Variants in SNTG1 observed in about 807,000 individuals in gnomAD.
SNTG1 encodes the protein syntrophin gamma 1.
Under a neutral mutation model 74.7 loss-of-function variants are expected in SNTG1, and 39 were observed. The observed-to-expected ratio is 0.52, with a 90% CI of 0.40 to 0.68. SNTG1 has a LOEUF of 0.68. Among genes scored for constraint, SNTG1 ranks in the 30% least tolerant of loss-of-function variants. SNTG1 has a pLI of 0.00. For synonymous variants in SNTG1, 254 were observed against 217.1 expected, an observed-to-expected ratio of 1.17 and a Z score of -1.49; for missense variants, 685 against 609.5, an observed-to-expected ratio of 1.12 and a Z score of -1.30.
intron 2 of SNTG1, among the ~76,000 whole-genome samples, chr8:50,208,046 G>T (rs1005495362): frequency 1.3e-5 from 2 of 152,120 alleles, no homozygotes; most frequent in East Asian, 1.9e-4. Flanking sequence ...TATTCTATTG[G>T]TTTGGGGTGG....
At chr8:50,444,286 T>A (rs2093385239) in intron 5 of SNTG1, among the ~76,000 whole-genome samples, 1 of 152,206 alleles carries the variant, frequency 6.6e-6, no homozygotes, top group Non-Finnish European at 1.5e-5. Flanking sequence ...TGTATGCCTT[T>A]TAACTTATTA....
intron 18 of SNTG1, among the ~76,000 whole-genome samples, chr8:50,787,162 T>C (rs2095678017): frequency 6.6e-6 from 1 of 151,472 alleles, no homozygotes; most frequent in African/African-American, 2.4e-5. Flanking sequence ...ATACCCCAAA[T>C]AAAAATTGAC....
chr8:50,341,523 G>C lies in SNTG1; in HGVS notation c.-27-52689G>C, dbSNP rs184554220. On this transcript the variant is annotated intron_variant, in intron 2 of 18. Coordinates refer to ENST00000642720, the MANE Select transcript of SNTG1 (RefSeq NM_018967.5). ...GCTACTCCTTTGAATACCTAATGAT[G>C]ATAGATGAAGGAAATGAAATTAGGG... Among the ~76,000 whole-genome samples the C allele has an allele frequency of 3.1e-3, 473 of 151,992 alleles. 2 individuals carry two copies. Among genetic ancestry groups the C allele is most frequent in the African/African-American group, 0.011 (451 of 41,518 alleles).
Position 50,272,337 on chromosome 8 carries a change from AG to A in SNTG1, c.-28+99703del, listed in dbSNP as rs759460271. Among the ~76,000 whole-genome samples, 29 of 152,316 alleles carry A rather than the reference AG, an allele frequency of 1.9e-4. 1 individual carries two copies. The South Asian group carries it at 2.1e-3, about 11-fold the overall frequency. On this transcript the variant is annotated intron_variant, in intron 2 of 18. Transcript: ENST00000642720. ...GACAGTTCAAGTGTCAAAGTGAAGC[AG>A]CAGCTTTTTTGTAGCTCACATATAC...
In SNTG1 at chr8:50,502,380, C is replaced by T. The variant is rs1212132248; in HGVS notation, c.364-398C>T. Among the ~76,000 whole-genome samples the T allele has an allele frequency of 2.6e-5, 4 of 152,072 alleles. No homozygotes were observed. The East Asian group carries it at 7.7e-4, about 29-fold the overall frequency. ...ATTTTATGTTACATAACATATGCTC[C>T]AAAGCTTATCCAATTTATTGGTGCA... On this transcript the variant is annotated intron_variant, in intron 8 of 18. Coordinates refer to ENST00000642720, the MANE Select transcript of SNTG1 (RefSeq NM_018967.5).
intron 17 of SNTG1, among the ~76,000 whole-genome samples, chr8:50,744,563 A>G (rs1252164616): frequency 6.6e-6 from 1 of 152,010 alleles, no homozygotes; most frequent in Non-Finnish European, 1.5e-5. Flanking sequence ...TCTTATAACT[A>G]ACATAAAATT....
intron 1 of SNTG1, among the ~76,000 whole-genome samples, chr8:50,002,837 G>A (rs1185835959): frequency 6.6e-6 from 1 of 152,016 alleles, no homozygotes; most frequent in Admixed American, 6.6e-5. Flanking sequence ...CCAAAAAACA[G>A]AACAAACAAA....
chr8:50,655,698 T>C (rs1056386214), intron 13 of SNTG1, among the ~76,000 whole-genome samples: 1 of 152,206 alleles, frequency 6.6e-6, no homozygotes, highest in Non-Finnish European at 1.5e-5. Flanking sequence ...GGAAAGAAGA[T>C]GAGATCTATG....
chr8:49,943,607 G>T (rs1808892389), intron 1 of SNTG1, among the ~76,000 whole-genome samples: 1 of 152,176 alleles, frequency 6.6e-6, no homozygotes, highest in South Asian at 2.1e-4. Flanking sequence ...TGTCCAATTT[G>T]CAGAATTTTA....
chr8:50,746,231 T>C (rs1405777852), intron 17 of SNTG1, among the ~76,000 whole-genome samples: 1 of 151,966 alleles, frequency 6.6e-6, no homozygotes, highest in Non-Finnish European at 1.5e-5. Flanking sequence ...GTTTTAGTAC[T>C]CTAAAAGTCA....
intron 13 of SNTG1, among the ~76,000 whole-genome samples, chr8:50,624,522 A>C (rs2094944346): frequency 6.6e-6 from 1 of 152,084 alleles, no homozygotes; most frequent in African/African-American, 2.4e-5. Context: ...AATTCTCGAG[A>C]GAATGAAGCC....
intron 18 of SNTG1, among the ~76,000 whole-genome samples, chr8:50,789,015 G>A (rs2095683750): frequency 6.6e-6 from 1 of 151,860 alleles, no homozygotes; most frequent in Non-Finnish European, 1.5e-5. Context: ...ATAAACCTTG[G>A]AAAAACATTC....
At chr8:50,706,050 C>T (rs10086876) in intron 16 of SNTG1, among the ~76,000 whole-genome samples, 15,581 of 152,176 alleles carry the variant, frequency 0.1, 2,236 homozygotes, top group African/African-American at 0.32. Context: ...GAACTGATTT[C>T]TATTTTCTGA....
rs145846482 is a variant in SNTG1 at position 50,162,807 on chromosome 8, C to G, written c.-102-9754C>G. On this transcript the variant is annotated intron_variant, in intron 1 of 18. Transcript: ENST00000642720. ...CGTGTTCTGCTCCTGCCATCTGCTCCCACTGCTGTTCCTGGAGGTAAACAT... is the reference window on the plus strand; with the variant it reads ...CGTGTTCTGCTCCTGCCATCTGCTCGCACTGCTGTTCCTGGAGGTAAACAT... 5.1e-3 allele frequency among the ~76,000 whole-genome samples: 778 copies of G among 152,210 alleles called. 6 individuals are homozygous for G. Among genetic ancestry groups the G allele is most frequent in the African/African-American group, 0.018 (749 of 41,542 alleles).
intron 2 of SNTG1, among the ~76,000 whole-genome samples, chr8:50,307,430 C>A (rs1398092857): frequency 6.6e-6 from 1 of 151,814 alleles, no homozygotes; most frequent in African/African-American, 2.4e-5. Context: ...AATTTTAATT[C>A]ATATTTTCTC....
intron 8 of SNTG1, among the ~76,000 whole-genome samples, chr8:50,471,792 C>T (rs2093656251): frequency 6.6e-6 from 1 of 152,146 alleles, no homozygotes; most frequent in Non-Finnish European, 1.5e-5. Context: ...ACACAGACTA[C>T]ATGACCCTAT....
intron 2 of SNTG1, among the ~76,000 whole-genome samples, chr8:50,351,048 C>G (rs1441560561): frequency 6.6e-6 from 1 of 152,210 alleles, no homozygotes; most frequent in Non-Finnish European, 1.5e-5. Context: ...CTGCGAGGGT[C>G]TGCAGCTTCA....
chr8:50,745,010 G>A (rs1458601900), intron 17 of SNTG1, among the ~76,000 whole-genome samples: 2 of 151,964 alleles, frequency 1.3e-5, no homozygotes, highest in African/African-American at 4.8e-5. Flanking sequence ...TCTTTGCTAT[G>A]ACGCCGAAAG....
chr8:50,419,367 C>A (rs1359617489), intron 4 of SNTG1, among the ~76,000 whole-genome samples: 1 of 152,158 alleles, frequency 6.6e-6, no homozygotes. Flanking sequence ...CTGATGTTCT[C>A]CAGCTCTGTC....
Sources: allele counts gnomAD v4.1 joint callset (sites outside exome capture counted in the v4.1 genomes callset), GRCh38; gene constraint gnomAD v4.1.1; transcripts MANE v1.5; gene names NCBI Gene and HGNC (gene_info 2026-07-23, HGNC 2026-07-21).